The following ST6GALNAC3 variants were observed in gnomAD, a reference collection of about 807,000 sequenced individuals.
ST6GALNAC3 encodes alpha-N-acetylgalactosaminide alpha-2,6-sialyltransferase 3.
In ST6GALNAC3, 25 loss-of-function variants were observed where a neutral mutation model predicts 32.7. That is an observed-to-expected ratio of 0.76 (90% CI 0.56 to 1.07). ST6GALNAC3 has a LOEUF of 1.07. Ranked by LOEUF, ST6GALNAC3 falls within the 50% of genes least tolerant of loss-of-function variation. The probability of loss-of-function intolerance (pLI) is 0.00; values close to 1 mark genes in which losing one functional copy is unlikely to be tolerated. For synonymous variants in ST6GALNAC3, 129 were observed against 133.1 expected (o/e 0.97, Z 0.21); for missense variants, 355 against 382.4 (o/e 0.93, Z 0.60).
intron 2 of ST6GALNAC3, among the ~76,000 whole-genome samples, chr1:76,411,352 T>C (rs1654224070): frequency 1.3e-5 from 2 of 152,236 alleles, no homozygotes; most frequent in African/African-American, 2.4e-5. Flanking sequence ...TGTCTGTGTA[T>C]ATACCTTCCC....
intron 3 of ST6GALNAC3, among the ~76,000 whole-genome samples, chr1:76,416,568 A>T (rs563715267): frequency 1.6e-4 from 25 of 152,082 alleles, no homozygotes; most frequent in Admixed American, 1.1e-3. Context: ...CTTAAAAAAA[A>T]ATATAGCCCT....
chr1:76,407,806 G>A (rs1243785436), intron 2 of ST6GALNAC3, among the ~76,000 whole-genome samples: 1 of 152,040 alleles, frequency 6.6e-6, no homozygotes, highest in African/African-American at 2.4e-5. Flanking sequence ...CAGGACCTCA[G>A]TCTAGAAAGA....
intron 1 of ST6GALNAC3, among the ~76,000 whole-genome samples, chr1:76,235,346 A>C (rs1199137629): frequency 6.6e-6 from 1 of 151,906 alleles, no homozygotes; most frequent in Non-Finnish European, 1.5e-5. Context: ...TCTCTACAAA[A>C]AATTAAAACT....
At chr1:76,327,204 T>C (rs890698379) in intron 2 of ST6GALNAC3, among the ~76,000 whole-genome samples, 11 of 152,200 alleles carry the variant, frequency 7.2e-5, no homozygotes, top group Admixed American at 2.0e-4. Context: ...TAATTTCTTT[T>C]TTTTCATAGT....
chr1:76,368,072 T>C (rs888188587), intron 2 of ST6GALNAC3, among the ~76,000 whole-genome samples: 1 of 152,166 alleles, frequency 6.6e-6, no homozygotes, highest in African/African-American at 2.4e-5. Flanking sequence ...CTTTGCCAAC[T>C]GCCCTCTGTG....
chr1:76,415,171 C>CTT (rs71072000), intron 3 of ST6GALNAC3, among the ~76,000 whole-genome samples: 11,990 of 70,534 alleles, frequency 0.17, 1,371 homozygotes, highest in Non-Finnish European at 0.19. Context: ...GGATTCATGT[C>CTT]TTTTTTTTTT....
chr1:76,391,032 C>T (rs372474717), intron 2 of ST6GALNAC3, among the ~76,000 whole-genome samples: 61 of 150,696 alleles, frequency 4.0e-4, no homozygotes, highest in Middle Eastern at 3.4e-3. Context: ...CTCCACCTCC[C>T]AGGATCACGC....
chr1:76,254,759 G>A lies in ST6GALNAC3; in HGVS notation c.19-59046G>A, dbSNP rs996732635. Among the ~76,000 whole-genome samples the A allele has an allele frequency of 3.8e-4, 58 of 151,926 alleles. 1 individual carries two copies. Among genetic ancestry groups the A allele is most frequent in the Admixed American group, 5.3e-4 (8 of 15,210 alleles). On this transcript the variant is annotated intron_variant, in intron 1 of 4. Coordinates refer to ENST00000328299, the MANE Select transcript of ST6GALNAC3 (RefSeq NM_152996.4). The stretch of plus-strand genomic sequence containing the variant: ...TCAGAAAACAAAAATTCAACAAACT[G>A]AGCTTACAGATCTAATTGGCTTTTA...
intron 3 of ST6GALNAC3, among the ~76,000 whole-genome samples, chr1:76,523,271 C>A (rs925971591): frequency 2.6e-5 from 4 of 151,972 alleles, no homozygotes; most frequent in African/African-American, 9.7e-5. Context: ...ATCTATTTTT[C>A]TTATTCATGT....
intron 1 of ST6GALNAC3, among the ~76,000 whole-genome samples, chr1:76,149,010 A>G (rs1038021584): frequency 6.6e-6 from 1 of 152,184 alleles, no homozygotes; most frequent in Admixed American, 6.5e-5. Flanking sequence ...TTGTCTGTCA[A>G]ATGGGTATAA....
chr1:76,585,643 G>A (rs1433887950), intron 3 of ST6GALNAC3, among the ~76,000 whole-genome samples: 2 of 152,046 alleles, frequency 1.3e-5, no homozygotes, highest in Middle Eastern at 3.4e-3. Flanking sequence ...AAAGAAAACA[G>A]TATCTTCATG....
chr1:76,211,696 A>C (rs1438050163), intron 1 of ST6GALNAC3, among the ~76,000 whole-genome samples: 1 of 152,124 alleles, frequency 6.6e-6, no homozygotes, highest in African/African-American at 2.4e-5. Context: ...CAAAATACCA[A>C]ACACCGCATG....
intron 3 of ST6GALNAC3, among the ~76,000 whole-genome samples, chr1:76,490,866 GT>G (rs34573571): frequency 0.31 from 45,637 of 146,402 alleles, 10,465 homozygotes; most frequent in African/African-American, 0.66. Flanking sequence ...CTTTTTTTTT[GT>G]TTTTTTTTGA....
chr1:76,400,211 C>T (rs1653298454), intron 2 of ST6GALNAC3, among the ~76,000 whole-genome samples: 1 of 152,082 alleles, frequency 6.6e-6, no homozygotes, highest in Non-Finnish European at 1.5e-5. Context: ...TTGTTGTTTT[C>T]CTTAAATAAC....
intron 1 of ST6GALNAC3, among the ~76,000 whole-genome samples, chr1:76,273,454 A>G (rs1658967052): frequency 1.3e-5 from 2 of 152,384 alleles, no homozygotes; most frequent in African/African-American, 4.8e-5. Flanking sequence ...ATCCCATGGC[A>G]TCAAATAGAG....
intron 2 of ST6GALNAC3, among the ~76,000 whole-genome samples, chr1:76,364,551 T>TAAATA (rs901749684): frequency 6.6e-6 from 1 of 151,764 alleles, no homozygotes; most frequent in African/African-American, 2.4e-5. Flanking sequence ...AGACTCCACC[T>TAAATA]AAATAAAATA....
intron 1 of ST6GALNAC3, among the ~76,000 whole-genome samples, chr1:76,270,528 A>G (rs974730152): frequency 4.0e-5 from 6 of 151,128 alleles, no homozygotes; most frequent in Non-Finnish European, 3.0e-5. Flanking sequence ...AAAAAAAAAA[A>G]AAAAAGTTGG....
In ST6GALNAC3 at chr1:76,415,443, A is replaced by C. The variant is rs954459439; in HGVS notation, c.623+3026A>C. ...TTCTCCTCTTTATTTACCAGTTTTA[A>C]TGTATTAGTTTCCTTGCATTCTCTA... On this transcript the variant is annotated intron_variant, in intron 3 of 4. Coordinates refer to ENST00000328299, the MANE Select transcript of ST6GALNAC3 (RefSeq NM_152996.4). 2.0e-5 allele frequency among the ~76,000 whole-genome samples: 3 copies of C among 151,844 alleles called. No homozygotes were observed. In the South Asian group the frequency reaches 6.2e-4, roughly 32 times the overall value.
At chr1:76,573,474 T>A (rs1283629609) in intron 3 of ST6GALNAC3, among the ~76,000 whole-genome samples, 3 of 152,108 alleles carry the variant, frequency 2.0e-5, no homozygotes, top group Admixed American at 2.0e-4. Context: ...CCTGCCCTGA[T>A]ACAGGCAACC....
Sources: gnomAD v4.1 joint callset for allele counts (sites outside exome capture counted in the v4.1 genomes callset) on GRCh38, gnomAD v4.1.1 for gene constraint, MANE v1.5 for transcripts, NCBI Gene and HGNC (gene_info 2026-07-23, HGNC 2026-07-21) for gene names.